The following MTUS2 variants were observed in gnomAD, a reference collection of about 807,000 sequenced individuals.
The protein encoded by MTUS2 is microtubule-associated tumor suppressor candidate 2.
A neutral mutation model predicts 114.1 loss-of-function variants in MTUS2; 40 were observed. The observed-to-expected ratio is 0.35, with a 90% CI of 0.27 to 0.46. The LOEUF (loss-of-function observed/expected upper bound fraction) is 0.46. Ranked by LOEUF, MTUS2 falls within the 20% of genes least tolerant of loss-of-function variation. MTUS2 has a pLI of 1.00. For missense variants in MTUS2, 1,679 were observed against 1,705.4 expected (o/e 0.98, Z 0.27); for synonymous variants, 688 against 672.0 (o/e 1.02, Z -0.37).
At chr13:29,243,134 G>A (rs957059803) in intron 5 of MTUS2, among the ~76,000 whole-genome samples, 5 of 152,176 alleles carry the variant, frequency 3.3e-5, no homozygotes, top group East Asian at 3.9e-4. Context: ...GCTGGGGCAC[G>A]AAATCAAAGC....
intron 6 of MTUS2, among the ~76,000 whole-genome samples, chr13:29,315,658 C>T (rs549555098): frequency 6.6e-6 from 1 of 152,196 alleles, no homozygotes; most frequent in African/African-American, 2.4e-5. Context: ...GTTCTGCAGA[C>T]AGTTCTGACC....
At chr13:28,899,813 C>T (rs1035320653) in intron 2 of MTUS2, among the ~76,000 whole-genome samples, 2 of 152,168 alleles carry the variant, frequency 1.3e-5, no homozygotes, top group Admixed American at 1.3e-4. Flanking sequence ...AGTCTCTGAA[C>T]CTGCTAACGT....
intron 8 of MTUS2, among the ~76,000 whole-genome samples, chr13:29,389,335 ATGTATGCACGTGTG>A (rs1190964308): frequency 2.9e-4 from 15 of 50,884 alleles, no homozygotes; most frequent in East Asian, 2.4e-3. Flanking sequence ...GTGTGTATAT[ATGTATGCACGTGTG>A]TGTATATATG....
chr13:28,973,428 G>C (rs1883945739), intron 2 of MTUS2, among the ~76,000 whole-genome samples: 1 of 152,130 alleles, frequency 6.6e-6, no homozygotes, highest in African/African-American at 2.4e-5. Flanking sequence ...ATATTTCTGA[G>C]GGTCATAGTG....
rs767618548 is a variant in MTUS2, at chr13:29,480,703, C to T, written c.3399+339C>T. 1.3e-5 allele frequency among the ~76,000 whole-genome samples: 2 copies of T among 151,958 alleles called. No homozygotes were observed. Among genetic ancestry groups the T allele is most frequent in the Non-Finnish European group, 2.9e-5 (2 of 68,004 alleles). On this transcript the variant is annotated intron_variant, in intron 10 of 15. Transcript: ENST00000612955. This position sits in a 1 kb window ranked among gnomAD's most constrained non-coding sequence, Gnocchi z 4.4. ...CCAAAATTATTATTCCTCCCCCAAC[C>T]ACATACACACTCTTTCTGTCCCCCT...
At chr13:29,082,783 T>C (rs1330830568) in intron 4 of MTUS2, among the ~76,000 whole-genome samples, 4 of 152,118 alleles carry the variant, frequency 2.6e-5, no homozygotes, top group Non-Finnish European at 5.9e-5. Flanking sequence ...TTGGTATTCT[T>C]ATATTGTATA....
chr13:29,205,648 G>C (rs1332050343), intron 5 of MTUS2, among the ~76,000 whole-genome samples: 1 of 152,208 alleles, frequency 6.6e-6, no homozygotes, highest in Middle Eastern at 3.2e-3. Flanking sequence ...TTATGAGTGA[G>C]AACATGCAAT....
At chr13:29,118,154 G>A (rs1458287340) in intron 5 of MTUS2, among the ~76,000 whole-genome samples, 1 of 152,004 alleles carries the variant, frequency 6.6e-6, no homozygotes, top group Non-Finnish European at 1.5e-5. Flanking sequence ...AGAGTCCTGT[G>A]TATCTCTTGG....
chr13:29,222,381 T>C (rs2139326767), intron 5 of MTUS2, among the ~76,000 whole-genome samples: 1 of 152,374 alleles, frequency 6.6e-6, no homozygotes, highest in East Asian at 1.9e-4. Flanking sequence ...TTATCTGTTC[T>C]TGAACCTTTG....
chr13:29,257,162 C>G (rs1897307023), intron 5 of MTUS2, among the ~76,000 whole-genome samples: 1 of 152,168 alleles, frequency 6.6e-6, no homozygotes. Flanking sequence ...TTGCCCTATT[C>G]AAATCCATTT....
intron 5 of MTUS2, among the ~76,000 whole-genome samples, chr13:29,227,269 AAAAAAAAG>A (rs1239596384): frequency 8.6e-5 from 12 of 139,696 alleles, no homozygotes; most frequent in Non-Finnish European, 1.6e-4. Flanking sequence ...AAAAAAAAAA[AAAAAAAAG>A]AAACTGCGTA....
intron 4 of MTUS2, among the ~76,000 whole-genome samples, chr13:29,090,373 G>A (rs1281052407): frequency 1.3e-5 from 2 of 152,134 alleles, no homozygotes; most frequent in African/African-American, 2.4e-5. Context: ...AAGTGCTCTG[G>A]TAGGGTAGTG....
intron 6 of MTUS2, among the ~76,000 whole-genome samples, chr13:29,285,501 A>G (rs536865619): frequency 2.6e-5 from 4 of 152,254 alleles, no homozygotes; most frequent in Non-Finnish European, 5.9e-5. Flanking sequence ...GGAAATATAT[A>G]CAGATTACCT....
intron 2 of MTUS2, among the ~76,000 whole-genome samples, chr13:28,949,288 CT>C: frequency 6.6e-6 from 1 of 150,396 alleles, no homozygotes; most frequent in South Asian, 2.1e-4. Flanking sequence ...CTAGTTTACC[CT>C]GAATGGTAGC....
At chr13:28,997,308 C>T (rs1260644490) in intron 2 of MTUS2, among the ~76,000 whole-genome samples, 2 of 151,836 alleles carry the variant, frequency 1.3e-5, no homozygotes, top group East Asian at 1.9e-4. Flanking sequence ...GAGTGCTTTA[C>T]TTCCAACTAT....
chr13:29,381,422 T>C (rs372404729), intron 8 of MTUS2, among the ~76,000 whole-genome samples: 2 of 152,240 alleles, frequency 1.3e-5, no homozygotes, highest in Admixed American at 1.3e-4. Flanking sequence ...GAATTACTTA[T>C]AGGTATTGCA....
intron 2 of MTUS2, among the ~76,000 whole-genome samples, chr13:28,939,623 T>G (rs1295988023): frequency 6.6e-6 from 1 of 152,218 alleles, no homozygotes; most frequent in Non-Finnish European, 1.5e-5. Context: ...ATCAATTTTT[T>G]GCTATTGCAA....
chr13:28,949,233 C>T (rs949017102), intron 2 of MTUS2, among the ~76,000 whole-genome samples: 8 of 152,168 alleles, frequency 5.3e-5, no homozygotes, highest in South Asian at 2.1e-4. Context: ...CCACAAGAAT[C>T]GGTTTTTCTG....
intron 6 of MTUS2, among the ~76,000 whole-genome samples, chr13:29,287,302 GC>G (rs1218034143): frequency 1.3e-5 from 2 of 152,196 alleles, no homozygotes; most frequent in Non-Finnish European, 2.9e-5. Context: ...GCAGGGCGAT[GC>G]CCAGGGCTTT....
Sources: gnomAD v4.1 joint callset for allele counts (sites outside exome capture counted in the v4.1 genomes callset) on GRCh38, gnomAD v4.1.1 for gene constraint, Gnocchi (gnomAD v3.1) non-coding constraint, MANE v1.5 for transcripts, NCBI Gene and HGNC (gene_info 2026-07-23, HGNC 2026-07-21) for gene names.